ENTREP2: variants seen among roughly 807,000 people sequenced by gnomAD.
The protein encoded by ENTREP2 is endosomal transmembrane epsin interactor 2, also known as protein ENTREP2.
chr15:29,411,922 T>G, the ENTREP2 span, among the ~76,000 whole-genome samples: 1 of 152,328 alleles, frequency 6.6e-6, no homozygotes, highest in African/African-American at 2.4e-5. Context: ...AGGCTCTATC[T>G]TATGTTTTGC....
At chr15:29,268,969 T>C in the ENTREP2 span, 4 of 1,614,058 alleles carry the variant, frequency 2.5e-6, no homozygotes, top group African/African-American at 1.3e-5. Context: ...CTGGAATTCG[T>C]AGTCGACGGG....
the ENTREP2 span, among the ~76,000 whole-genome samples, chr15:29,354,493 C>T: frequency 3.3e-5 from 5 of 152,266 alleles, no homozygotes; most frequent in Admixed American, 3.3e-4. Flanking sequence ...ACATTCACAG[C>T]TCAATTAAGA....
At chr15:29,267,247 T>C in the ENTREP2 span, 4 of 152,182 alleles carry the variant, frequency 2.6e-5, no homozygotes, top group Non-Finnish European at 5.9e-5. Flanking sequence ...ATATTTGCCT[T>C]ATTTCAAGGT....
chr15:29,497,892 C>T, the ENTREP2 span, among the ~76,000 whole-genome samples: 21 of 151,984 alleles, frequency 1.4e-4, no homozygotes, highest in South Asian at 4.4e-3. Flanking sequence ...TTTCATTTTT[C>T]TTCATGTAGG....
At chr15:29,273,199 C>T in the ENTREP2 span, among the ~76,000 whole-genome samples, 1 of 133,828 alleles carries the variant, frequency 7.5e-6, no homozygotes, top group African/African-American at 2.9e-5. Context: ...ATAAATTAAA[C>T]TTTTTTTTTT....
At chr15:29,413,837 G>A in the ENTREP2 span, among the ~76,000 whole-genome samples, 2 of 151,868 alleles carry the variant, frequency 1.3e-5, no homozygotes, top group Admixed American at 1.3e-4. Context: ...AAAAAAGGCA[G>A]GGGTTGCAAT....
the ENTREP2 span, among the ~76,000 whole-genome samples, chr15:29,392,127 C>CT: frequency 3.9e-3 from 583 of 151,346 alleles, 2 homozygotes; most frequent in African/African-American, 0.011. Context: ...TGTGCCCGGC[C>CT]TTTTTTTGTA....
the ENTREP2 span, among the ~76,000 whole-genome samples, chr15:29,353,051 T>C: frequency 7.2e-5 from 11 of 152,188 alleles, no homozygotes; most frequent in African/African-American, 2.7e-4. Flanking sequence ...CTATGGCACA[T>C]GAATATCAGT....
the ENTREP2 span, among the ~76,000 whole-genome samples, chr15:29,264,803 AAAT>A: frequency 6.6e-6 from 1 of 152,228 alleles, no homozygotes; most frequent in African/African-American, 2.4e-5. Context: ...ATAACCTCAA[AAAT>A]AATGATAATA....
At chr15:29,636,762 TA>T in the ENTREP2 span, among the ~76,000 whole-genome samples, 1 of 152,318 alleles carries the variant, frequency 6.6e-6, no homozygotes, top group Admixed American at 6.5e-5. Context: ...GCCTCCTCAG[TA>T]TATGTAATTT....
At chr15:29,307,171 A>G in the ENTREP2 span, among the ~76,000 whole-genome samples, 85 of 152,314 alleles carry the variant, frequency 5.6e-4, 1 homozygote, top group East Asian at 0.014. Context: ...CTCTACTAAA[A>G]TCATACAGGG....
chr15:29,123,601 C>G, the ENTREP2 span: 23 of 1,551,668 alleles, frequency 1.5e-5, no homozygotes, highest in Non-Finnish European at 1.9e-5. Context: ...ATCTGGGTCC[C>G]CCGCTGGTGA....
At chr15:29,439,333 A>ACG in the ENTREP2 span, among the ~76,000 whole-genome samples, 3 of 107,882 alleles carry the variant, frequency 2.8e-5, no homozygotes, top group Admixed American at 2.0e-4. Flanking sequence ...ACACACACAC[A>ACG]AACAGTAGAG....
the ENTREP2 span, among the ~76,000 whole-genome samples, chr15:29,553,828 C>G: frequency 0.05 from 7,583 of 152,220 alleles, 599 homozygotes; most frequent in African/African-American, 0.17. Flanking sequence ...CCCACCCTGT[C>G]GAGTCCTCAG....
At chr15:29,596,294 G>T in the ENTREP2 span, among the ~76,000 whole-genome samples, 15 of 152,214 alleles carry the variant, frequency 9.9e-5, no homozygotes, top group Non-Finnish European at 1.8e-4. Flanking sequence ...AGTTCCTACT[G>T]AATGCTTCAC....
chr15:29,570,429 C>A, the ENTREP2 span: 1 of 1,022,340 alleles, frequency 9.8e-7, no homozygotes. Flanking sequence ...CGGTGGCGTC[C>A]CGGCGGCCGC....
At chr15:29,620,807 A>T in the ENTREP2 span, among the ~76,000 whole-genome samples, 2 of 152,124 alleles carry the variant, frequency 1.3e-5, no homozygotes, top group East Asian at 3.9e-4. Flanking sequence ...CAGAGGGTTC[A>T]TCTTACTGAG....
At chr15:29,535,212 T>C in the ENTREP2 span, among the ~76,000 whole-genome samples, 1 of 151,392 alleles carries the variant, frequency 6.6e-6, no homozygotes, top group Non-Finnish European at 1.5e-5. Context: ...ACTGTGCCGT[T>C]TGCACTCCAG....
the ENTREP2 span, among the ~76,000 whole-genome samples, chr15:29,656,200 G>A: frequency 6.6e-6 from 1 of 151,694 alleles, no homozygotes; most frequent in Non-Finnish European, 1.5e-5. Context: ...CAGAAAATCT[G>A]TGCTATCAAT....
Sources: allele counts gnomAD v4.1 joint callset (sites outside exome capture counted in the v4.1 genomes callset), GRCh38; gene constraint gnomAD v4.1.1; transcripts MANE v1.5; gene names NCBI Gene and HGNC (gene_info 2026-07-23, HGNC 2026-07-21).